The following CILK1 variants were observed in gnomAD, a reference collection of about 807,000 sequenced individuals.
CILK1 encodes ciliogenesis associated kinase 1.
CILK1 carries 47 observed loss-of-function variants against 79.2 expected under a neutral mutation model. The observed-to-expected ratio is 0.59, with a 90% CI of 0.47 to 0.76. CILK1 has a LOEUF of 0.76. Among genes scored for constraint, CILK1 ranks in the 30% least tolerant of loss-of-function variants. The probability of loss-of-function intolerance (pLI) is 0.00; values close to 1 mark genes in which losing one functional copy is unlikely to be tolerated. For synonymous variants in CILK1, 266 were observed against 275.9 expected, an observed-to-expected ratio of 0.96 and a Z score of 0.36; for missense variants, 660 against 769.5, an observed-to-expected ratio of 0.86 and a Z score of 1.68.
intron 1 of CILK1, among the ~76,000 whole-genome samples, chr6:53,051,518 C>T (rs538604959): frequency 6.6e-6 from 1 of 152,330 alleles, no homozygotes; most frequent in African/African-American, 2.4e-5. Context: ...TGGCTTGTGA[C>T]CACATCACCC....
At chr6:53,036,780 A>C (rs142321892) in intron 3 of CILK1, among the ~76,000 whole-genome samples, 1 of 152,358 alleles carries the variant, frequency 6.6e-6, no homozygotes, top group East Asian at 1.9e-4. Context: ...GACAGGGAAC[A>C]CTAACTTTGA....
chr6:53,010,391 C>T (rs1259146671), intron 11 of CILK1, among the ~76,000 whole-genome samples: 2 of 152,240 alleles, frequency 1.3e-5, no homozygotes, highest in East Asian at 1.9e-4. Flanking sequence ...GCCGCCATCT[C>T]CCTCACCTGG....
chr6:53,058,623 G>C (rs1768133427), intron 1 of CILK1, among the ~76,000 whole-genome samples: 1 of 152,072 alleles, frequency 6.6e-6, no homozygotes, highest in African/African-American at 2.4e-5. Context: ...AGATAGGAGA[G>C]TTCTAATACT....
At chr6:53,056,497 A>G (rs1767884001) in intron 1 of CILK1, among the ~76,000 whole-genome samples, 2 of 152,324 alleles carry the variant, frequency 1.3e-5, no homozygotes, top group South Asian at 4.1e-4. Flanking sequence ...GGCAGCAGGA[A>G]GGACTGGCAC....
intron 4 of CILK1, among the ~76,000 whole-genome samples, chr6:53,031,619 C>A (rs567622166): frequency 1.3e-5 from 2 of 152,126 alleles, no homozygotes; most frequent in Admixed American, 1.3e-4. Context: ...AAATTACCGT[C>A]GCAGGTAAAT....
intron 5 of CILK1, among the ~76,000 whole-genome samples, chr6:53,027,351 T>C (rs865787351): frequency 4.0e-4 from 61 of 152,356 alleles, no homozygotes; most frequent in Middle Eastern, 3.4e-3. Flanking sequence ...CCATTTGCAT[T>C]AATTATTTAA....
intron 1 of CILK1, among the ~76,000 whole-genome samples, chr6:53,052,777 T>A (rs1475375459): frequency 6.6e-6 from 1 of 151,556 alleles, no homozygotes; most frequent in Non-Finnish European, 1.5e-5. Context: ...CCTATATAAA[T>A]CCCTATTTGG....
chr6:53,023,380 A>C (rs1765375354), intron 5 of CILK1, among the ~76,000 whole-genome samples: 1 of 152,186 alleles, frequency 6.6e-6, no homozygotes, highest in African/African-American at 2.4e-5. Context: ...TGTAGGGAAC[A>C]TTAAACAGCT....
chr6:53,061,727 G>C lies in CILK1; in HGVS notation c.-304C>G, dbSNP rs1768482613. 1 of 152,272 alleles carries C rather than the reference G, an allele frequency of 6.6e-6. No individual in the cohort carries two copies. Among genetic ancestry groups the C allele is most frequent in the South Asian group, 2.1e-4 (1 of 4,836 alleles). 9.4% of individuals were successfully genotyped at this position (152,272 alleles called of 1,614,324 possible). A position where few individuals can be genotyped will look rare whatever the true frequency, so the allele number is the denominator to read the frequency against. The stretch of plus-strand genomic sequence containing the variant: ...TAGGACCGGCCGAGGGCTCCGTACA[G>C]GGACGCCCGCGAGGTCCGGCGAGTC... On this transcript the variant is annotated 5_prime_UTR_variant, in exon 1 of 14. Transcript: ENST00000676107.
At chr6:53,007,405 A>G (rs1342398749) in intron 12 of CILK1, among the ~76,000 whole-genome samples, 1 of 152,228 alleles carries the variant, frequency 6.6e-6, no homozygotes, top group Non-Finnish European at 1.5e-5. Flanking sequence ...CAAAAGAGAA[A>G]AAACTTATAG....
chr6:53,003,494 C>T lies in CILK1; in HGVS notation c.*1655G>A, dbSNP rs1339261212. 7.2e-5 allele frequency: 11 copies of T among 152,256 alleles called. No homozygotes were observed. Among genetic ancestry groups the T allele is most frequent in the African/African-American group, 2.6e-4 (11 of 41,542 alleles). The allele number at this position is 152,256 out of a possible 1,614,324, so 9.4% of individuals were successfully genotyped here. A position where few individuals can be genotyped will look rare whatever the true frequency, so the allele number is the denominator to read the frequency against. On this transcript the variant is annotated 3_prime_UTR_variant, in exon 14 of 14. Coordinates refer to ENST00000676107, the MANE Select transcript of CILK1 (RefSeq NM_014920.5). ...GTGGCTCATGCCTGTAATCCCAGTACTTTGGGAGGTGGAGGAGGGTGGATC... is the reference window on the plus strand; with the variant it reads ...GTGGCTCATGCCTGTAATCCCAGTATTTTGGGAGGTGGAGGAGGGTGGATC...
In CILK1 at chr6:53,061,711, C is replaced by G. The variant is rs1183034888; in HGVS notation, c.-288G>C. 1 of 152,326 alleles carries G rather than the reference C, an allele frequency of 6.6e-6. No homozygotes were observed. Among genetic ancestry groups the G allele is most frequent in the Admixed American group, 6.5e-5 (1 of 15,292 alleles). 9.4% of individuals were successfully genotyped at this position (152,326 alleles called of 1,614,324 possible). On this transcript the variant is annotated 5_prime_UTR_variant, in exon 1 of 14. Coordinates refer to ENST00000676107, the MANE Select transcript of CILK1 (RefSeq NM_014920.5). The stretch of plus-strand genomic sequence containing the variant: ...TGGGGACAATCCCTGCTAGGACCGG[C>G]CGAGGGCTCCGTACAGGGACGCCCG...
chr6:53,059,225 TG>T (rs926464014), intron 1 of CILK1, among the ~76,000 whole-genome samples: 19 of 152,094 alleles, frequency 1.2e-4, no homozygotes, highest in African/African-American at 4.1e-4. Context: ...GGGGTGAAAC[TG>T]GGGGGGAGCA....
intron 1 of CILK1, among the ~76,000 whole-genome samples, chr6:53,049,530 G>C (rs1289834159): frequency 2.0e-5 from 3 of 152,222 alleles, no homozygotes; most frequent in Non-Finnish European, 2.9e-5. Context: ...CTAGCTAGCT[G>C]AAGCTTTGTG....
Position 53,002,062 on chromosome 6 carries a change from A to T in CILK1, c.*3087T>A, listed in dbSNP as rs779553511. The T allele has an allele frequency of 5.2e-5, 8 of 152,548 alleles. No homozygotes were observed. Among genetic ancestry groups the T allele is most frequent in the Non-Finnish European group, 1.2e-4 (8 of 68,032 alleles). The allele number at this position is 152,548 out of a possible 1,614,324, so 9.4% of individuals were successfully genotyped here. On this transcript the variant is annotated 3_prime_UTR_variant, in exon 14 of 14. Transcript: ENST00000676107. ...CACAGTGTTACTTTATTAGATGTAT[A>T]TAGTCCTTTAGGCAAGAGATACATT...
intron 6 of CILK1, 135 bp downstream of exon 6, chr6:53,019,092 C>G (rs1226014774): frequency 2.5e-6 from 2 of 801,308 alleles, no homozygotes; most frequent in Non-Finnish European, 4.0e-6. Flanking sequence ...ACCAACATAT[C>G]TATAAATATA....
chr6:53,036,332 C>T (rs1402572798), intron 3 of CILK1, among the ~76,000 whole-genome samples: 1 of 152,044 alleles, frequency 6.6e-6, no homozygotes, highest in African/African-American at 2.4e-5. Flanking sequence ...CTTTTATTTT[C>T]TAGAACAGAG....
chr6:53,041,408 C>T lies in CILK1; in HGVS notation c.-172G>A, dbSNP rs1452027464. On this transcript the variant is annotated splice_region_variant and 5_prime_UTR_variant, in exon 2 of 14. Transcript: ENST00000676107. ...CATATTTCCAAAAATCAGTCTTCTG[C>T]CTGCAGAGAAAAATGAGAGACAAGG... is the stretch of plus-strand genomic sequence containing the variant. 8.2e-6 allele frequency: 5 copies of T among 613,274 alleles called. No individual in the cohort carries two copies. The highest frequency in any genetic ancestry group is 1.8e-5 in the African/African-American group (1 of 54,310). The allele number at this position is 613,274 out of a possible 1,614,324, so 38.0% of individuals were successfully genotyped here. A position where few individuals can be genotyped will look rare whatever the true frequency, so the allele number is the denominator to read the frequency against.
chr6:53,058,807 C>A (rs1285254016), intron 1 of CILK1, among the ~76,000 whole-genome samples: 1 of 151,938 alleles, frequency 6.6e-6, no homozygotes, highest in Non-Finnish European at 1.5e-5. Context: ...ATAGATCCCA[C>A]AAGCAGAAAA....
Sources: gnomAD v4.1 joint callset for allele counts (sites outside exome capture counted in the v4.1 genomes callset) on GRCh38, gnomAD v4.1.1 for gene constraint, MANE v1.5 for transcripts, NCBI Gene and HGNC (gene_info 2026-07-23, HGNC 2026-07-21) for gene names.